Variants in NRXN1 observed in about 807,000 individuals in gnomAD.
NRXN1 encodes the protein neurexin-1.
A neutral mutation model predicts 150.9 loss-of-function variants in NRXN1; 39 were observed. The ratio of observed to expected loss-of-function variants is 0.26; its 90% CI spans 0.20 to 0.34. The LOEUF (loss-of-function observed/expected upper bound fraction) is 0.34. Among genes scored for constraint, NRXN1 ranks in the 10% least tolerant of loss-of-function variants. NRXN1 has a pLI of 1.00. For synonymous variants in NRXN1, 924 were observed against 757.0 expected (o/e 1.22, Z -3.62); for missense variants, 1,815 against 1,949.9 (o/e 0.93, Z 1.30).
intron 2 of NRXN1, among the ~76,000 whole-genome samples, chr2:50,982,757 T>A (rs534881241): frequency 1.3e-5 from 2 of 152,126 alleles, no homozygotes; most frequent in Non-Finnish European, 2.9e-5. Context: ...ATAGTTTGCA[T>A]GTCTAGTTGA....
chr2:50,965,927 C>G (rs1694000208), intron 2 of NRXN1, among the ~76,000 whole-genome samples: 1 of 151,390 alleles, frequency 6.6e-6, no homozygotes, highest in Middle Eastern at 3.2e-3. Flanking sequence ...TTACATGAGA[C>G]CAGTAAATAG....
At chr2:50,727,104 G>T (rs1393181977) in intron 5 of NRXN1, among the ~76,000 whole-genome samples, 2 of 142,448 alleles carry the variant, frequency 1.4e-5, no homozygotes, top group African/African-American at 5.1e-5. Context: ...TATAAAAAAA[G>T]GTCTTAAAAA....
At chr2:50,033,104 T>A (rs868459124) in intron 21 of NRXN1, among the ~76,000 whole-genome samples, 1 of 151,976 alleles carries the variant, frequency 6.6e-6, no homozygotes, top group Non-Finnish European at 1.5e-5. Context: ...TTAAGTACCA[T>A]GAGGGCAGGA....
chr2:49,938,986 G>T (rs1047524216), intron 22 of NRXN1, among the ~76,000 whole-genome samples: 1 of 152,012 alleles, frequency 6.6e-6, no homozygotes, highest in Admixed American at 6.5e-5. Context: ...TTTACTAAGT[G>T]GATCTAAAAT....
intron 17 of NRXN1, among the ~76,000 whole-genome samples, chr2:50,342,514 G>C (rs2077621780): frequency 6.6e-6 from 1 of 152,088 alleles, no homozygotes; most frequent in East Asian, 1.9e-4. Context: ...TAGCTCTCTT[G>C]GTTGCCACAC....
chr2:50,419,342 T>A (rs915814381), intron 17 of NRXN1, among the ~76,000 whole-genome samples: 1 of 152,034 alleles, frequency 6.6e-6, no homozygotes, highest in African/African-American at 2.4e-5. Context: ...CATGTGACAG[T>A]TTGGTTGCTT....
intron 17 of NRXN1, among the ~76,000 whole-genome samples, chr2:50,319,187 T>C (rs139439798): frequency 6.6e-6 from 1 of 152,296 alleles, no homozygotes; most frequent in East Asian, 1.9e-4. Flanking sequence ...TTATTCTGAC[T>C]GAAAGTTGAA....
chr2:50,244,666 T>A (rs755287668), intron 17 of NRXN1, among the ~76,000 whole-genome samples: 1 of 151,894 alleles, frequency 6.6e-6, no homozygotes, highest in Non-Finnish European at 1.5e-5. Flanking sequence ...TTGTGTGAGA[T>A]GTCAGAAAAA....
At chr2:50,450,266 C>A (rs2086837971) in intron 17 of NRXN1, among the ~76,000 whole-genome samples, 1 of 152,092 alleles carries the variant, frequency 6.6e-6, no homozygotes, top group African/African-American at 2.4e-5. Flanking sequence ...CACAATTGTG[C>A]CTTTCCTCTC....
At chr2:50,553,636 C>G (rs913544830) in intron 8 of NRXN1, among the ~76,000 whole-genome samples, 1 of 152,194 alleles carries the variant, frequency 6.6e-6, no homozygotes, top group Non-Finnish European at 1.5e-5. Context: ...GCATCAATAC[C>G]TTTGAATACT....
intron 5 of NRXN1, among the ~76,000 whole-genome samples, chr2:50,794,484 G>T (rs533377601): frequency 3.3e-5 from 5 of 152,164 alleles, no homozygotes; most frequent in Admixed American, 3.3e-4. Context: ...TAATTTCTGT[G>T]CTGGGTAGCA....
At chr2:50,978,882 T>C (rs973730573) in intron 2 of NRXN1, among the ~76,000 whole-genome samples, 2 of 152,110 alleles carry the variant, frequency 1.3e-5, no homozygotes, top group African/African-American at 4.8e-5. Flanking sequence ...CTGTGTGAGA[T>C]AACATACTCA....
At chr2:50,719,376 A>T (rs187218966) in intron 5 of NRXN1, among the ~76,000 whole-genome samples, 1 of 152,250 alleles carries the variant, frequency 6.6e-6, no homozygotes, top group Admixed American at 6.5e-5. Flanking sequence ...CTTATTTAAA[A>T]TAAGTTTCGT....
chr2:50,876,561 T>C (rs1279756422), intron 5 of NRXN1, among the ~76,000 whole-genome samples: 2 of 151,856 alleles, frequency 1.3e-5, no homozygotes, highest in Non-Finnish European at 2.9e-5. Context: ...ATTACATGTA[T>C]ATTATAATGC....
chr2:50,951,161 T>C (rs1691263837), intron 2 of NRXN1, among the ~76,000 whole-genome samples: 1 of 152,154 alleles, frequency 6.6e-6, no homozygotes, highest in Non-Finnish European at 1.5e-5. Context: ...TCAGGATAAT[T>C]CCTTGGAGAT....
intron 17 of NRXN1, among the ~76,000 whole-genome samples, chr2:50,332,010 T>G (rs576339265): frequency 2.0e-5 from 3 of 152,322 alleles, no homozygotes; most frequent in African/African-American, 7.2e-5. Context: ...CCTTAGGTGA[T>G]TCTGATACAG....
intron 5 of NRXN1, among the ~76,000 whole-genome samples, chr2:50,785,243 C>CTTTTTTT (rs35158893): frequency 7.5e-5 from 8 of 106,090 alleles, no homozygotes; most frequent in Non-Finnish European, 1.3e-4. Flanking sequence ...AGAAAATACA[C>CTTTTTTT]TTTTTTTTTT....
chr2:50,140,895 CGT>C (rs570362509), intron 18 of NRXN1, among the ~76,000 whole-genome samples: 6 of 150,986 alleles, frequency 4.0e-5, no homozygotes, highest in African/African-American at 7.3e-5. Flanking sequence ...TATATGTGTT[CGT>C]GTGTGTGTGT....
intron 5 of NRXN1, among the ~76,000 whole-genome samples, chr2:50,818,352 T>C (rs1427301354): frequency 6.6e-6 from 1 of 151,964 alleles, no homozygotes; most frequent in Non-Finnish European, 1.5e-5. Context: ...ATTTAATCAG[T>C]ATATAAGTTT....
Sources: gnomAD v4.1 joint callset for allele counts (sites outside exome capture counted in the v4.1 genomes callset) on GRCh38, gnomAD v4.1.1 for gene constraint, MANE v1.5 for transcripts, NCBI Gene and HGNC (gene_info 2026-07-23, HGNC 2026-07-21) for gene names.